SGCZ: variants seen among roughly 807,000 people sequenced by gnomAD.
SGCZ encodes sarcoglycan zeta, also known as zeta-sarcoglycan.
In SGCZ, 40 loss-of-function variants were observed where a neutral mutation model predicts 41.3. The observed-to-expected ratio is 0.97, with a 90% CI of 0.75 to 1.26. SGCZ has a LOEUF of 1.26. Ranked by LOEUF, SGCZ falls within the 50% of genes most tolerant of loss-of-function variation. SGCZ has a pLI of 0.00. For synonymous variants in SGCZ, 206 were observed against 137.5 expected, an observed-to-expected ratio of 1.50 and a Z score of -3.49; for missense variants, 552 against 369.8, an observed-to-expected ratio of 1.49 and a Z score of -4.04.
chr8:14,246,347 C>CA (rs1281423170), intron 3 of SGCZ, among the ~76,000 whole-genome samples: 1 of 148,792 alleles, frequency 6.7e-6, no homozygotes, highest in Non-Finnish European at 1.5e-5. Context: ...ATCGCAAGGA[C>CA]AAAAAACCAA....
intron 1 of SGCZ, among the ~76,000 whole-genome samples, chr8:14,996,968 T>C (rs2130904506): frequency 6.6e-6 from 1 of 152,328 alleles, no homozygotes; most frequent in Non-Finnish European, 1.5e-5. Flanking sequence ...CTCTACATAG[T>C]AAGGAAGACG....
At chr8:14,231,497 G>C (rs929514268) in intron 4 of SGCZ, among the ~76,000 whole-genome samples, 1 of 152,032 alleles carries the variant, frequency 6.6e-6, no homozygotes, top group East Asian at 1.9e-4. Context: ...GTCCAATTAT[G>C]CATAATTTAA....
intron 2 of SGCZ, among the ~76,000 whole-genome samples, chr8:14,382,242 C>T (rs572242209): frequency 2.0e-5 from 3 of 152,196 alleles, no homozygotes; most frequent in Admixed American, 1.3e-4. Flanking sequence ...GTAGCTGGAG[C>T]AGAAGAGGAT....
intron 3 of SGCZ, among the ~76,000 whole-genome samples, chr8:14,315,600 A>C (rs1801688546): frequency 6.6e-6 from 1 of 152,094 alleles, no homozygotes; most frequent in African/African-American, 2.4e-5. Context: ...ACTTACTTAT[A>C]AATAAAAAAA....
chr8:14,656,482 C>G (rs949390789), intron 1 of SGCZ, among the ~76,000 whole-genome samples: 4 of 143,094 alleles, frequency 2.8e-5, no homozygotes, highest in Non-Finnish European at 6.0e-5. Flanking sequence ...TCTTCTCTTT[C>G]TCCCTCTCTT....
chr8:14,437,002 T>C (rs908227163), intron 2 of SGCZ, among the ~76,000 whole-genome samples: 1 of 151,396 alleles, frequency 6.6e-6, no homozygotes, highest in African/African-American at 2.5e-5. Context: ...AATTTTGAAA[T>C]AGATTCATCC....
At chr8:14,585,492 T>C (rs1175557125) in intron 1 of SGCZ, among the ~76,000 whole-genome samples, 2 of 152,160 alleles carry the variant, frequency 1.3e-5, no homozygotes, top group African/African-American at 2.4e-5. Context: ...ATTATGAATA[T>C]GGTATTTCTC....
intron 3 of SGCZ, among the ~76,000 whole-genome samples, chr8:14,242,810 G>A (rs1010220056): frequency 6.6e-6 from 1 of 152,064 alleles, no homozygotes; most frequent in African/African-American, 2.4e-5. Flanking sequence ...TCTACCACGA[G>A]GAAGTACTGT....
At chr8:14,934,661 G>T (rs1800026323) in intron 1 of SGCZ, among the ~76,000 whole-genome samples, 1 of 151,432 alleles carries the variant, frequency 6.6e-6, no homozygotes, top group Non-Finnish European at 1.5e-5. Context: ...CAGAATGAGG[G>T]AAAAACAAAA....
intron 1 of SGCZ, among the ~76,000 whole-genome samples, chr8:14,985,837 C>A (rs918294039): frequency 6.6e-6 from 1 of 152,140 alleles, no homozygotes; most frequent in Admixed American, 6.5e-5. Context: ...ATTTTAGAAA[C>A]AATAAATCTT....
rs528804876 is a variant in SGCZ at position 14,596,720 on chromosome 8, T to C, written c.40-41794A>G. On this transcript the variant is annotated intron_variant, in intron 1 of 7. Coordinates refer to ENST00000382080, the MANE Select transcript of SGCZ (RefSeq NM_139167.4). ...AGCATTAGGACAAATACCTAAATCA[T>C]GTGGGGCTTAAAACCTAGATGATGC... 4.5e-4 allele frequency among the ~76,000 whole-genome samples: 68 copies of C among 152,142 alleles called. No individual in the cohort carries two copies. In the South Asian group the frequency reaches 0.013, roughly 30 times the overall value.
chr8:14,262,616 T>G (rs910618841), intron 3 of SGCZ, among the ~76,000 whole-genome samples: 1 of 151,828 alleles, frequency 6.6e-6, no homozygotes, highest in Non-Finnish European at 1.5e-5. Flanking sequence ...ATAATCTACA[T>G]TGTAGCGCTC....
chr8:14,290,538 C>T (rs907974104), intron 3 of SGCZ, among the ~76,000 whole-genome samples: 11 of 151,970 alleles, frequency 7.2e-5, no homozygotes, highest in Non-Finnish European at 1.5e-4. Context: ...CCTGAATAGA[C>T]ATTTCTCAAA....
chr8:14,536,981 C>T (rs2117140086), intron 2 of SGCZ, among the ~76,000 whole-genome samples: 1 of 152,032 alleles, frequency 6.6e-6, no homozygotes, highest in East Asian at 1.9e-4. Flanking sequence ...AAAATACCTT[C>T]TTTAGAACTA....
intron 2 of SGCZ, among the ~76,000 whole-genome samples, chr8:14,498,482 T>C (rs925129588): frequency 3.3e-5 from 5 of 152,130 alleles, no homozygotes; most frequent in African/African-American, 7.2e-5. Flanking sequence ...GAAAACATTA[T>C]TTTTGCTTTC....
chr8:14,574,992 G>T (rs1354250438), intron 1 of SGCZ, among the ~76,000 whole-genome samples: 2 of 152,164 alleles, frequency 1.3e-5, no homozygotes, highest in African/African-American at 4.8e-5. Flanking sequence ...AAAGAGGATG[G>T]TTTGTGATTA....
chr8:15,206,365 G>A (rs1801064524), intron 1 of SGCZ, among the ~76,000 whole-genome samples: 1 of 151,998 alleles, frequency 6.6e-6, no homozygotes, highest in South Asian at 2.1e-4. Context: ...CTTGAGAGTA[G>A]TGACTTACCC....
At chr8:14,929,112 C>G (rs1254543755) in intron 1 of SGCZ, among the ~76,000 whole-genome samples, 1 of 152,102 alleles carries the variant, frequency 6.6e-6, no homozygotes. Context: ...CTGCCTCAGC[C>G]TCCTGAGTAG....
intron 1 of SGCZ, among the ~76,000 whole-genome samples, chr8:14,599,093 T>C (rs906983031): frequency 4.1e-4 from 62 of 152,298 alleles, no homozygotes; most frequent in African/African-American, 1.4e-3. Flanking sequence ...AGCATGATCA[T>C]ATGCAAAACT....
Sources: allele counts gnomAD v4.1 joint callset (sites outside exome capture counted in the v4.1 genomes callset), GRCh38; gene constraint gnomAD v4.1.1; transcripts MANE v1.5; gene names NCBI Gene and HGNC (gene_info 2026-07-23, HGNC 2026-07-21).